ALKBH1: variants seen among roughly 807,000 people sequenced by gnomAD.
The protein encoded by ALKBH1 is alkB homolog 1, histone H2A dioxygenase.
A neutral mutation model predicts 36.6 loss-of-function variants in ALKBH1; 31 were observed. That is an observed-to-expected ratio of 0.85 (90% CI 0.64 to 1.14). ALKBH1 has a LOEUF of 1.14. Ranked by LOEUF, ALKBH1 falls within the 50% of genes most tolerant of loss-of-function variation. The pLI is 0.00. For missense variants in ALKBH1, 490 were observed against 497.3 expected (o/e 0.99, Z 0.14); for synonymous variants, 183 against 186.6 (o/e 0.98, Z 0.16).
chr14:77,692,445 C>T (rs2080302447), intron 3 of ALKBH1, among the ~76,000 whole-genome samples: 1 of 152,180 alleles, frequency 6.6e-6, no homozygotes, highest in South Asian at 2.1e-4. Flanking sequence ...GATGAACAGG[C>T]ATTAGATTCT....
chr14:77,704,587 G>A (rs1237118077), intron 1 of ALKBH1, 110 bp from the exon 2 acceptor site: 1 of 815,538 alleles, frequency 1.2e-6, no homozygotes, highest in Admixed American at 1.9e-5. Flanking sequence ...TAGGATTCTT[G>A]TTTAAGATAC....
chr14:77,675,208 G>A (rs2080198186), intron 5 of ALKBH1, among the ~76,000 whole-genome samples: 1 of 151,956 alleles, frequency 6.6e-6, no homozygotes, highest in African/African-American at 2.4e-5. Context: ...CGAAGTGGGC[G>A]GATTGCCTGA....
Position 77,704,684 on chromosome 14 carries a change from T to A in ALKBH1, c.184-207A>T, listed in dbSNP as rs190140019. ...AGCTCCTGAACTCAAGTGATCCTCC[T>A]GTGTTGGCCTCCCAAAGCAATGGGA... On this transcript the variant is annotated intron_variant, in intron 1 of 5. Coordinates refer to ENST00000216489, the MANE Select transcript of ALKBH1 (RefSeq NM_006020.3). Among the ~76,000 whole-genome samples, 7 of 152,310 alleles carry A rather than the reference T, an allele frequency of 4.6e-5. No individual in the cohort carries two copies. In the East Asian group the frequency reaches 1.2e-3, roughly 25 times the overall value.
At chr14:77,693,731 T>TA (rs906187656) in intron 3 of ALKBH1, among the ~76,000 whole-genome samples, 1 of 152,190 alleles carries the variant, frequency 6.6e-6, no homozygotes, top group African/African-American at 2.4e-5. Flanking sequence ...CTCACGCCTG[T>TA]AGTCTCAGCA....
intron 3 of ALKBH1, chr14:77,683,552 T>G: frequency 1.7e-6 from 1 of 572,136 alleles, no homozygotes; most frequent in East Asian, 3.5e-5. Context: ...CCCATTCCCA[T>G]TCCCTTAATG....
intron 2 of ALKBH1, among the ~76,000 whole-genome samples, chr14:77,702,472 T>C (rs1195261846): frequency 6.6e-6 from 1 of 151,994 alleles, no homozygotes; most frequent in Non-Finnish European, 1.5e-5. Flanking sequence ...CATAACGTAT[T>C]AAGAGCTGTA....
intron 4 of ALKBH1, among the ~76,000 whole-genome samples, chr14:77,677,335 T>C (rs1209923718): frequency 6.6e-6 from 1 of 152,200 alleles, no homozygotes; most frequent in East Asian, 1.9e-4. Context: ...CCACCATGCC[T>C]GGCCTGGCCA....
In ALKBH1 at chr14:77,696,133, G is replaced by A. The variant is rs553744405; in HGVS notation, c.293-1233C>T. ...TAATAATATTTAACTGGAATCCTAC[G>A]CATGGTAAAGATTCATTCATTCATC... On this transcript the variant is annotated intron_variant, in intron 2 of 5. Transcript: ENST00000216489. Among the ~76,000 whole-genome samples, 4 of 152,228 alleles carry A rather than the reference G, an allele frequency of 2.6e-5. No homozygotes were observed. The South Asian group carries it at 6.2e-4, about 24-fold the overall frequency.
intron 2 of ALKBH1, among the ~76,000 whole-genome samples, chr14:77,703,700 C>A (rs1006607785): frequency 1.3e-5 from 2 of 149,832 alleles, no homozygotes; most frequent in South Asian, 2.1e-4. Flanking sequence ...TGGGTTCAAG[C>A]GATTCTCCTG....
intron 3 of ALKBH1, among the ~76,000 whole-genome samples, chr14:77,680,677 CTTT>C (rs1555383644): frequency 4.8e-4 from 60 of 124,328 alleles, no homozygotes; most frequent in African/African-American, 9.3e-4. Flanking sequence ...ATTAACTACT[CTTT>C]TTTTTTTTTT....
At chr14:77,692,530 T>C (rs918298278) in intron 3 of ALKBH1, among the ~76,000 whole-genome samples, 104 of 152,220 alleles carry the variant, frequency 6.8e-4, no homozygotes, top group Non-Finnish European at 1.0e-4. Context: ...GAGAATCTAA[T>C]GCTGCTGCTG....
chr14:77,674,120 C>T lies in ALKBH1; in HGVS notation c.862G>A (p.Ala288Thr), dbSNP rs755341150. 2.5e-6 allele frequency: 4 copies of T among 1,614,008 alleles called. No individual in the cohort carries two copies. The highest frequency in any genetic ancestry group is 3.4e-6 in the Non-Finnish European group (4 of 1,180,032). ...GGATTTGGAAGGACACGAGGGACTG[C>T]GTGGTTCAAGAGGCGGCTGAAACCC... ...MSGFSRLLNHAVPRVLPNPEG... is the reference protein window; with the variant it reads ...MSGFSRLLNHTVPRVLPNPEG... The change falls in exon 6 of 6, where the codon GCA becomes ACA. Residue 288 changes from alanine (A) to threonine (T), a missense_variant. Physicochemically the swap from Ala to Thr is moderately conservative, Grantham distance 58. Transcript: ENST00000216489.
In ALKBH1 at chr14:77,673,758, A is replaced by G; in HGVS notation, c.*54T>C. The stretch of plus-strand genomic sequence containing the variant: ...GAAGTCCACGGCAATACACAATAAC[A>G]TGATCATTTACGGTAAGCAGGTGCC... On this transcript the variant is annotated 3_prime_UTR_variant, in exon 6 of 6. Transcript: ENST00000216489. 6 of 1,543,872 alleles carry G rather than the reference A, an allele frequency of 3.9e-6. No homozygotes were observed. The highest frequency in any genetic ancestry group is 1.2e-5 in the South Asian group (1 of 81,260).
chr14:77,672,608 C>G lies in ALKBH1; in HGVS notation c.*1204G>C, dbSNP rs946343755. 1 of 152,144 alleles carries G rather than the reference C, an allele frequency of 6.6e-6. No homozygotes were observed. The highest frequency in any genetic ancestry group is 2.4e-5 in the African/African-American group (1 of 41,430). 9.4% of individuals were successfully genotyped at this position (152,144 alleles called of 1,614,324 possible). A position where few individuals can be genotyped will look rare whatever the true frequency, so the allele number is the denominator to read the frequency against. On this transcript the variant is annotated 3_prime_UTR_variant, in exon 6 of 6. Coordinates refer to ENST00000216489, the MANE Select transcript of ALKBH1 (RefSeq NM_006020.3). ...GGAAGTTAGGATGTTTCAAAGAGCC[C>G]TTATAATAAAACAATTTTGGCACAT...
At chr14:77,705,411 GAAAAAAAAAAAA>G (rs56123313) in intron 1 of ALKBH1, among the ~76,000 whole-genome samples, 2 of 113,394 alleles carry the variant, frequency 1.8e-5, no homozygotes, top group African/African-American at 3.4e-5. Flanking sequence ...CTCCGTCTAA[GAAAAAAAAAAAA>G]AAAAAAAAAG....
intron 1 of ALKBH1, among the ~76,000 whole-genome samples, chr14:77,705,136 C>A (rs1032505512): frequency 1.3e-5 from 2 of 152,044 alleles, no homozygotes; most frequent in African/African-American, 4.8e-5. Flanking sequence ...AAGAGAAGGC[C>A]GGTCGCAGTG....
chr14:77,683,148 TC>T (rs1375629748), intron 3 of ALKBH1: 7 of 450,656 alleles, frequency 1.6e-5, no homozygotes, highest in Non-Finnish European at 2.3e-5. Flanking sequence ...AGCTGTAAAG[TC>T]TTTTTTTTTT....
intron 3 of ALKBH1, 136 bp downstream of exon 3, chr14:77,694,602 T>C (rs1362380335): frequency 5.1e-6 from 3 of 588,128 alleles, no homozygotes; most frequent in East Asian, 6.1e-5. Context: ...AATTGTGCTG[T>C]TTTTGCTTGG....
At chr14:77,687,856 GA>G (rs1315986014) in intron 3 of ALKBH1, among the ~76,000 whole-genome samples, 5 of 152,072 alleles carry the variant, frequency 3.3e-5, no homozygotes, top group Non-Finnish European at 7.4e-5. Flanking sequence ...AGAGAAGAAA[GA>G]AAACCACATC....
Sources: allele counts gnomAD v4.1 joint callset (sites outside exome capture counted in the v4.1 genomes callset), GRCh38; gene constraint gnomAD v4.1.1; transcripts MANE v1.5; gene names NCBI Gene and HGNC (gene_info 2026-07-23, HGNC 2026-07-21).